The following ZNF608 variants were observed in gnomAD, a reference collection of about 807,000 sequenced individuals.
ZNF608 encodes zinc finger protein 608, also known as renal carcinoma antigen NY-REN-36.
ZNF608 carries 12 observed loss-of-function variants against 109.0 expected under a neutral mutation model. The observed-to-expected ratio is 0.11, with a 90% CI of 0.07 to 0.18. The LOEUF is 0.18. ZNF608 is among the 10% of genes least tolerant of loss of function. ZNF608 has a pLI of 1.00. For synonymous variants in ZNF608, 732 were observed against 717.4 expected (o/e 1.02, Z -0.33); for missense variants, 1,707 against 1,879.3 (o/e 0.91, Z 1.70).
intron 3 of ZNF608, among the ~76,000 whole-genome samples, chr5:124,683,381 C>T (rs1283847954): frequency 6.6e-6 from 1 of 151,962 alleles, no homozygotes; most frequent in Non-Finnish European, 1.5e-5. Flanking sequence ...ATGAAGAGCT[C>T]ATAACTCATA....
At chr5:124,693,254 G>A (rs1238698488) in intron 3 of ZNF608, among the ~76,000 whole-genome samples, 1 of 152,064 alleles carries the variant, frequency 6.6e-6, no homozygotes, top group African/African-American at 2.4e-5. Context: ...GCTATTCTTT[G>A]CAGCCAATGA....
Position 124,744,018 on chromosome 5 carries a change from C to CCCCACAAA in ZNF608, c.906+65_906+66insTTTGTGGG. 6.6e-7 allele frequency: 1 copy of CCCCACAAA among 1,521,824 alleles called. No individual in the cohort carries two copies. 94.3% of individuals were successfully genotyped at this position (1,521,824 alleles called of 1,614,324 possible). Reference sequence around the variant, plus strand: ...AAGTGTAAGGCACACAGAGGCACACCCCCACACACCCACACAAATGCACAC... The same window carrying CCCCACAAA: ...AAGTGTAAGGCACACAGAGGCACACCCCCACAAACCCACACACCCACACAAATGCACAC... On this transcript the variant is annotated intron_variant, in intron 2 of 9. Coordinates refer to ENST00000513986, the MANE Select transcript of ZNF608 (RefSeq NM_020747.3). The surrounding 1 kb of genome is among the most constrained non-coding windows in gnomAD (Gnocchi z 4.5).
chr5:124,711,601 C>T (rs1435013305), intron 2 of ZNF608, among the ~76,000 whole-genome samples: 2 of 152,146 alleles, frequency 1.3e-5, no homozygotes, highest in Non-Finnish European at 2.9e-5. Context: ...GATGGGTTGC[C>T]GTTTAAGCCG....
At position 124,647,543 on chromosome 5, in the gene ZNF608, G is replaced by C; in HGVS notation, c.2841C>G (p.Asp947Glu). The change falls in exon 5 of 10, where the codon GAC becomes GAG. Residue 947 changes from aspartate (D) to glutamate (E), a missense_variant. Asp to Glu is a conservative substitution (Grantham distance 45). Coordinates refer to ENST00000513986, the MANE Select transcript of ZNF608 (RefSeq NM_020747.3). ...CCGACCTGCTGTCAGAACCACCATC[G>C]TCAGCAGCATCAGATATGTCTGAAT... ...PAYSDISDAA[D>E]DGGSDSRSEG... The C allele has an allele frequency of 6.2e-6, 10 of 1,614,162 alleles. No homozygotes were observed. Among genetic ancestry groups the C allele is most frequent in the Non-Finnish European group, 7.6e-6 (9 of 1,180,036 alleles).
intron 2 of ZNF608, among the ~76,000 whole-genome samples, chr5:124,723,419 G>C (rs1233150730): frequency 6.6e-6 from 1 of 152,184 alleles, no homozygotes; most frequent in Non-Finnish European, 1.5e-5. Flanking sequence ...TGGGCACAGT[G>C]GCTCACCCCT....
chr5:124,698,471 A>G (rs79679768), intron 3 of ZNF608, among the ~76,000 whole-genome samples: 22,835 of 152,204 alleles, frequency 0.15, 2,175 homozygotes, highest in South Asian at 0.26. Flanking sequence ...CACATTCCAA[A>G]TCCTGGAAAA....
At chr5:124,699,653 G>A (rs1004673102) in intron 3 of ZNF608, among the ~76,000 whole-genome samples, 1 of 152,144 alleles carries the variant, frequency 6.6e-6, no homozygotes, top group Admixed American at 6.5e-5. Flanking sequence ...TCGCACAAGA[G>A]TATATTTAAT....
chr5:124,661,445 C>A (rs1309233386), intron 3 of ZNF608, among the ~76,000 whole-genome samples: 1 of 151,060 alleles, frequency 6.6e-6, no homozygotes, highest in African/African-American at 2.4e-5. Flanking sequence ...TCCCACCCTC[C>A]CCCATTCCAC....
At chr5:124,740,212 T>A (rs1430876695) in intron 2 of ZNF608, among the ~76,000 whole-genome samples, 1 of 152,200 alleles carries the variant, frequency 6.6e-6, no homozygotes, top group Non-Finnish European at 1.5e-5. Context: ...TGGGTCTGAT[T>A]ACACAAATAC....
intron 2 of ZNF608, among the ~76,000 whole-genome samples, chr5:124,734,341 T>G (rs1190607351): frequency 6.6e-6 from 1 of 152,158 alleles, no homozygotes; most frequent in African/African-American, 2.4e-5. Context: ...CTTGACATTC[T>G]CAGCAACCAA....
intron 5 of ZNF608, among the ~76,000 whole-genome samples, chr5:124,645,685 C>T (rs1424222879): frequency 1.3e-5 from 2 of 152,036 alleles, no homozygotes; most frequent in African/African-American, 2.4e-5. Context: ...TTTGTGGTTT[C>T]GTGGTGACCA....
chr5:124,638,388 C>T (rs971138384), intron 9 of ZNF608, among the ~76,000 whole-genome samples: 1 of 152,144 alleles, frequency 6.6e-6, no homozygotes, highest in African/African-American at 2.4e-5. Context: ...TCCCTAGTAG[C>T]TGGAATTACA....
chr5:124,681,917 C>T (rs978164262), intron 3 of ZNF608, among the ~76,000 whole-genome samples: 3 of 152,182 alleles, frequency 2.0e-5, no homozygotes, highest in African/African-American at 7.2e-5. Flanking sequence ...AGCAAAGGAG[C>T]ATAATCTCCA....
intron 3 of ZNF608, among the ~76,000 whole-genome samples, chr5:124,695,830 T>C (rs928287640): frequency 6.6e-6 from 1 of 152,016 alleles, no homozygotes; most frequent in Non-Finnish European, 1.5e-5. Context: ...CTATCATCTT[T>C]ATGACTTTGG....
At chr5:124,699,683 G>A (rs1752977749) in intron 3 of ZNF608, among the ~76,000 whole-genome samples, 1 of 152,176 alleles carries the variant, frequency 6.6e-6, no homozygotes, top group Non-Finnish European at 1.5e-5. Flanking sequence ...AGAATTCAGA[G>A]TTCTCTAACA....
intron 2 of ZNF608, among the ~76,000 whole-genome samples, chr5:124,705,645 T>C (rs1461703809): frequency 1.3e-5 from 2 of 152,194 alleles, no homozygotes; most frequent in African/African-American, 4.8e-5. Context: ...GCAATTAAAG[T>C]ATGTTAAAAA....
chr5:124,683,160 T>C (rs1272905403), intron 3 of ZNF608, among the ~76,000 whole-genome samples: 1 of 152,104 alleles, frequency 6.6e-6, no homozygotes, highest in Admixed American at 6.5e-5. Context: ...CCAAAAACCA[T>C]GTAAGGAAGC....
chr5:124,738,248 G>C (rs1038653630), intron 2 of ZNF608, among the ~76,000 whole-genome samples: 1 of 152,126 alleles, frequency 6.6e-6, no homozygotes, highest in Non-Finnish European at 1.5e-5. Flanking sequence ...AGAGTATTAT[G>C]ATCATTTATC....
intron 9 of ZNF608, among the ~76,000 whole-genome samples, chr5:124,638,477 G>A (rs986650166): frequency 2.0e-5 from 3 of 151,686 alleles, no homozygotes; most frequent in African/African-American, 7.3e-5. Flanking sequence ...GGCTAGTCTG[G>A]AACTCCCGAC....
Sources: gnomAD v4.1 joint callset for allele counts (sites outside exome capture counted in the v4.1 genomes callset) on GRCh38, gnomAD v4.1.1 for gene constraint, Gnocchi (gnomAD v3.1) non-coding constraint, MANE v1.5 for transcripts, NCBI Gene and HGNC (gene_info 2026-07-23, HGNC 2026-07-21) for gene names.